The following EPB41L3 variants were observed in gnomAD, a reference collection of about 807,000 sequenced individuals.
EPB41L3 encodes the protein erythrocyte membrane protein band 4.1 like 3.
In EPB41L3, 57 loss-of-function variants were observed where a neutral mutation model predicts 127.1. The ratio of observed to expected loss-of-function variants is 0.45; its 90% CI spans 0.36 to 0.56. The LOEUF (loss-of-function observed/expected upper bound fraction) is 0.56, where lower values mean the gene tolerates loss of function less well. EPB41L3 is among the 20% of genes least tolerant of loss of function. EPB41L3 has a pLI of 0.00. For missense variants in EPB41L3, 1,273 were observed against 1,372.2 expected (o/e 0.93, Z 1.14); for synonymous variants, 572 against 549.5 (o/e 1.04, Z -0.57).
Position 5,396,329 on chromosome 18 carries a change from A to G in EPB41L3, c.2845T>C (p.Ser949Pro). ...TLEQKPHFESSTVKTETISFG... is the reference protein window; with the variant it reads ...TLEQKPHFESPTVKTETISFG... ...CTGATGGTTTCCGTCTTCACCGTTG[A>G]GGACTGTGCCAAAGGGGAGTAAGCA... The change falls in exon 19 of 23, where the codon TCA becomes CCA. Residue 949 changes from serine (S) to proline (P), a missense_variant. Coordinates refer to ENST00000341928, the MANE Select transcript of EPB41L3 (RefSeq NM_012307.5). 1 of 1,614,154 alleles carries G rather than the reference A, an allele frequency of 6.2e-7. No individual in the cohort carries two copies. Among genetic ancestry groups the G allele is most frequent in the South Asian group, 1.1e-5 (1 of 91,082 alleles).
intron 2 of EPB41L3, among the ~76,000 whole-genome samples, chr18:5,485,557 C>T (rs1002783094): frequency 6.6e-6 from 1 of 151,910 alleles, no homozygotes; most frequent in African/African-American, 2.4e-5. Flanking sequence ...TCAACTTAGT[C>T]TTGTTCACAG....
intron 3 of EPB41L3, among the ~76,000 whole-genome samples, chr18:5,561,579 TA>T (rs2094136216): frequency 6.6e-6 from 1 of 152,160 alleles, no homozygotes; most frequent in African/African-American, 2.4e-5. Context: ...TTCCAATTAA[TA>T]GTTGTAGTAT....
intron 1 of EPB41L3, among the ~76,000 whole-genome samples, chr18:5,496,660 A>G (rs8091052): frequency 0.28 from 42,565 of 152,176 alleles, 7,265 homozygotes; most frequent in African/African-American, 0.48. Flanking sequence ...CTGATTATCT[A>G]AGATTTCGTT....
intron 5 of EPB41L3, among the ~76,000 whole-genome samples, chr18:5,440,898 G>T (rs747214181): frequency 7.9e-5 from 12 of 152,002 alleles, no homozygotes; most frequent in Non-Finnish European, 1.5e-4. Flanking sequence ...TTTTTTAGAA[G>T]CAGGGTCTCA....
In EPB41L3 at chr18:5,532,642, G is replaced by A. The variant is rs76072260; in HGVS notation, c.-12+11271C>T. Among the ~76,000 whole-genome samples the A allele has an allele frequency of 8.2e-3, 1,242 of 152,298 alleles. 19 individuals are homozygous for A. Among genetic ancestry groups the A allele is most frequent in the African/African-American group, 0.027 (1,109 of 41,546 alleles). ...AGGAAACCAGGTCAAAAGATGGGTTGGTTTAATTTTGCTTGGTTCTTTATG... is the reference window on the plus strand; with the variant it reads ...AGGAAACCAGGTCAAAAGATGGGTTAGTTTAATTTTGCTTGGTTCTTTATG... On this transcript the variant is annotated intron_variant, in intron 1 of 22. Coordinates refer to ENST00000341928, the MANE Select transcript of EPB41L3 (RefSeq NM_012307.5).
intron 1 of EPB41L3, among the ~76,000 whole-genome samples, chr18:5,518,374 G>A (rs1478633971): frequency 1.3e-5 from 2 of 152,068 alleles, no homozygotes; most frequent in Non-Finnish European, 1.5e-5. Flanking sequence ...TCAGGACAGT[G>A]TTCAAATGCA....
chr18:5,566,813 T>C (rs11664838), intron 3 of EPB41L3, among the ~76,000 whole-genome samples: 9,286 of 129,762 alleles, frequency 0.072, 478 homozygotes, highest in East Asian at 0.21. Flanking sequence ...CATTCTAATT[T>C]TATTTTTTTG....
At chr18:5,534,657 C>T (rs68162515) in intron 1 of EPB41L3, among the ~76,000 whole-genome samples, 14,320 of 152,172 alleles carry the variant, frequency 0.094, 909 homozygotes, top group Middle Eastern at 0.15. Flanking sequence ...CTACACTCAT[C>T]CTGAGGGTCA....
rs954346328 is a variant in EPB41L3 at position 5,507,543 on chromosome 18, G to A, written c.-11-18349C>T. Among the ~76,000 whole-genome samples, 6 of 152,184 alleles carry A rather than the reference G, an allele frequency of 3.9e-5. No individual in the cohort carries two copies. The East Asian group carries it at 7.7e-4, about 20-fold the overall frequency. On this transcript the variant is annotated intron_variant, in intron 1 of 22. Transcript: ENST00000341928. Reference sequence around the variant, plus strand: ...AACTGTGTGAATTTGAGTAAGTTACGTAAACTCTCTAAAAATCAATTTGTT... The same window carrying A: ...AACTGTGTGAATTTGAGTAAGTTACATAAACTCTCTAAAAATCAATTTGTT...
chr18:5,478,357 G>A lies in EPB41L3; in HGVS notation c.265C>T (p.Gln89Ter). The A allele has an allele frequency of 6.2e-7, 1 of 1,614,128 alleles. No individual in the cohort carries two copies. The highest frequency in any genetic ancestry group is 8.5e-7 in the Non-Finnish European group (1 of 1,180,008). The stretch of plus-strand genomic sequence containing the variant: ...GAGAGTTTACTGCTAGATGATTTCT[G>A]AGAAAGTTTATCGTCTTCTAATTGC... ...YQQLEDDKLS[Q>*]KSSSSKLSRS... The change falls in exon 3 of 23, where the codon CAG (glutamine) becomes TAG (stop). Residue 89 changes from glutamine to a stop codon, truncating the protein, a stop_gained. Transcript: ENST00000341928. LOFTEE classifies it high-confidence loss of function.
rs976586666 is a variant in EPB41L3, at chr18:5,419,697, T to C, written c.1506+14A>G. 8 of 1,613,484 alleles carry C rather than the reference T, an allele frequency of 5.0e-6. No homozygotes were observed. Among genetic ancestry groups the C allele is most frequent in the Non-Finnish European group, 6.8e-6 (8 of 1,179,938 alleles). On this transcript the variant is annotated intron_variant, in intron 12 of 22. Transcript: ENST00000341928. The stretch of plus-strand genomic sequence containing the variant: ...AGCTGGAGCAAGCTCTTGCAGGCAG[T>C]CTGGGAGCTATACCTTTCCCTCGTG...
chr18:5,613,552 A>G (rs186080896), intron 2 of EPB41L3, among the ~76,000 whole-genome samples: 1 of 152,348 alleles, frequency 6.6e-6, no homozygotes, highest in African/African-American at 2.4e-5. Context: ...TTGAAGTAGG[A>G]GCCAGGGACT....
intron 3 of EPB41L3, among the ~76,000 whole-genome samples, chr18:5,576,110 C>T (rs2094334499): frequency 6.6e-6 from 1 of 152,154 alleles, no homozygotes; most frequent in Non-Finnish European, 1.5e-5. Flanking sequence ...GGCTCATCTT[C>T]TCTGTAATTT....
chr18:5,544,766 TTTGA>T (rs997859713), upstream of EPB41L3, among the ~76,000 whole-genome samples: 2 of 152,154 alleles, frequency 1.3e-5, no homozygotes, highest in South Asian at 2.1e-4. Context: ...GTCAAAATAA[TTTGA>T]TTGTACATTT....
chr18:5,437,907 CT>C, intron 6 of EPB41L3, 127 bp downstream of exon 6: 2 of 726,484 alleles, frequency 2.8e-6, no homozygotes. Flanking sequence ...GTTCATTTGC[CT>C]TTTGTTTGCC....
At chr18:5,394,412 C>G in intron 22 of EPB41L3, 1 of 337,334 alleles carries the variant, frequency 3.0e-6, no homozygotes, top group South Asian at 7.5e-5. Flanking sequence ...TAAAAGGGAA[C>G]ACCAGGAAGA....
intron 3 of EPB41L3, among the ~76,000 whole-genome samples, chr18:5,464,783 A>G (rs1449313889): frequency 6.6e-6 from 1 of 152,172 alleles, no homozygotes; most frequent in Non-Finnish European, 1.5e-5. Context: ...CAGAGTTACT[A>G]AGTAAGAAAT....
At chr18:5,531,115 A>G (rs983063438) in intron 1 of EPB41L3, among the ~76,000 whole-genome samples, 1 of 152,028 alleles carries the variant, frequency 6.6e-6, no homozygotes, top group Non-Finnish European at 1.5e-5. Context: ...CATCAATTAC[A>G]CCATTTGATC....
chr18:5,455,057 A>G (rs2082828541), intron 3 of EPB41L3, among the ~76,000 whole-genome samples: 1 of 152,222 alleles, frequency 6.6e-6, no homozygotes, highest in Non-Finnish European at 1.5e-5. Flanking sequence ...AATGGAAATA[A>G]TACTGGTACT....
Sources: gnomAD v4.1 joint callset for allele counts (sites outside exome capture counted in the v4.1 genomes callset) on GRCh38, gnomAD v4.1.1 for gene constraint, MANE v1.5 for transcripts, NCBI Gene and HGNC (gene_info 2026-07-23, HGNC 2026-07-21) for gene names.